FOLR2: variants seen among roughly 807,000 people sequenced by gnomAD.
FOLR2 encodes the protein folate receptor beta.
Under a neutral mutation model 20.4 loss-of-function variants are expected in FOLR2, and 14 were observed. The ratio of observed to expected loss-of-function variants is 0.68; its 90% CI spans 0.45 to 1.07. The LOEUF is 1.07. FOLR2 is among the 50% of genes least tolerant of loss of function. The pLI is 0.00. For missense variants in FOLR2, 269 were observed against 322.6 expected, an observed-to-expected ratio of 0.83 and a Z score of 1.27; for synonymous variants, 114 against 114.3, an observed-to-expected ratio of 1.00 and a Z score of 0.02.
Position 72,221,069 on chromosome 11 carries a change from T to TGTCC in FOLR2, c.339+11_339+12insGTCC. ...CCCTGGATCCAGCAGGTAGGGTGTC[T>TGTCC]CCCCCCCACCCACCCCAGCAGACTG... On this transcript the variant is annotated intron_variant, in intron 3 of 4. Transcript: ENST00000298223. 2.0e-5 allele frequency: 14 copies of TGTCC among 717,290 alleles called. No individual in the cohort carries two copies. The highest frequency in any genetic ancestry group is 2.9e-5 in the South Asian group (2 of 69,402). The allele number at this position is 717,290 out of a possible 1,614,324, so 44.4% of individuals were successfully genotyped here. A position where few individuals can be genotyped will look rare whatever the true frequency, so the allele number is the denominator to read the frequency against.
At position 72,221,033 on chromosome 11, in the gene FOLR2, C is replaced by G; in HGVS notation, c.314C>G (p.Pro105Arg). 7 of 1,613,646 alleles carry G rather than the reference C, an allele frequency of 4.3e-6. No homozygotes were observed. The highest frequency in any genetic ancestry group is 5.9e-6 in the Non-Finnish European group (7 of 1,179,854). The change falls in exon 3 of 5, where the codon CCC (proline) becomes CGC (arginine). Residue 105 changes from proline (P) to arginine (R), a missense_variant. Coordinates refer to ENST00000298223, the MANE Select transcript of FOLR2 (RefSeq NM_000803.5). ...IQDTCLYECS[P>R]NLGPWIQQVN... is the part of the protein sequence containing the mutation. ...GACACCTGTCTCTATGAGTGCTCAC[C>G]CAACCTGGGGCCCTGGATCCAGCAG... is the stretch of plus-strand genomic sequence containing the variant.
rs1159623668 is a variant in FOLR2, at chr11:72,221,452, C to A, written c.476-18C>A. The A allele has an allele frequency of 6.2e-7, 1 of 1,610,364 alleles. No homozygotes were observed. The highest frequency in any genetic ancestry group is 2.2e-5 in the East Asian group (1 of 44,844). The stretch of plus-strand genomic sequence containing the variant: ...CCCAGGGGCTGAAAGTCTGTGTCCA[C>A]CATGCCTCTCCCTGCAGGAGTTAAC... On this transcript the variant is annotated intron_variant, in intron 4 of 4. Transcript: ENST00000298223.
chr11:72,221,475 A>G lies in FOLR2; in HGVS notation c.481A>G (p.Asn161Asp). The G allele has an allele frequency of 6.2e-7, 1 of 1,613,638 alleles. No homozygotes were observed. Among genetic ancestry groups the G allele is most frequent in the Non-Finnish European group, 8.5e-7 (1 of 1,179,686 alleles). ...HRGWDWTSGV[N>D]KCPAGALCRT... ...CACCATGCCTCTCCCTGCAGGAGTTAACAAGTGCCCAGCTGGGGCTCTCTG... is the reference window on the plus strand; with the variant it reads ...CACCATGCCTCTCCCTGCAGGAGTTGACAAGTGCCCAGCTGGGGCTCTCTG... Residue 161 changes from asparagine to aspartate, a missense_variant, in exon 5 of 5, where the codon AAC (asparagine) becomes GAC (aspartate). Asn to Asp is a conservative substitution (Grantham distance 23). Coordinates refer to ENST00000298223, the MANE Select transcript of FOLR2 (RefSeq NM_000803.5).
At position 72,221,723 on chromosome 11, in the gene FOLR2, C is replaced by T; in HGVS notation, c.729C>T (p.Leu243=). Reference sequence around the variant, plus strand: ...TTCATGGGACTGGGGGTCTCCTGCTCAGTCTGGCCCTGATGCTGCAACTCT... The same window carrying T: ...TTCATGGGACTGGGGGTCTCCTGCTTAGTCTGGCCCTGATGCTGCAACTCT... ...EMLHGTGGLL[L]SLALMLQLWL... is the part of the protein sequence containing the mutation. Residue 243 remains leucine, a synonymous_variant, in exon 5 of 5, where the codon CTC becomes CTT. Coordinates refer to ENST00000298223, the MANE Select transcript of FOLR2 (RefSeq NM_000803.5). 3 of 1,613,984 alleles carry T rather than the reference C, an allele frequency of 1.9e-6. No individual in the cohort carries two copies. The highest frequency in any genetic ancestry group is 2.5e-6 in the Non-Finnish European group (3 of 1,179,872).
chr11:72,216,895 G>T lies in FOLR2; in HGVS notation c.-55G>T, dbSNP rs770772668. The T allele has an allele frequency of 1.3e-6, 2 of 1,599,550 alleles. No individual in the cohort carries two copies. Among genetic ancestry groups the T allele is most frequent in the African/African-American group, 1.3e-5 (1 of 75,056 alleles). ...GAGAGAGGCCAACTCAGACACAGCCGTGTATGCTCCCAGCAGCAACGGAGG... is the reference window on the plus strand; with the variant it reads ...GAGAGAGGCCAACTCAGACACAGCCTTGTATGCTCCCAGCAGCAACGGAGG... On this transcript the variant is annotated 5_prime_UTR_variant, in exon 1 of 5. Transcript: ENST00000298223.
At chr11:72,220,298 C>A (rs1167371061) in intron 2 of FOLR2, among the ~76,000 whole-genome samples, 1 of 152,226 alleles carries the variant, frequency 6.6e-6, no homozygotes, top group Non-Finnish European at 1.5e-5. Flanking sequence ...TCTTCCTTTG[C>A]TCAAAATGTC....
At chr11:72,218,443 T>G in intron 1 of FOLR2, 118 bp from the exon 2 acceptor site, 1 of 850,172 alleles carries the variant, frequency 1.2e-6, no homozygotes, top group Non-Finnish European at 1.8e-6. Context: ...GGCCCCAGCA[T>G]TGAAGGAACA....
intron 3 of FOLR2, 40 bp from the exon 4 acceptor site, chr11:72,221,136 C>G (rs1200643942): frequency 6.3e-7 from 1 of 1,596,864 alleles, no homozygotes; most frequent in Non-Finnish European, 8.5e-7. Context: ...TGCCAGCATC[C>G]CTGGCTGAGA....
chr11:72,218,622 T>A lies in FOLR2; in HGVS notation c.38T>A (p.Val13Asp), dbSNP rs774617351. 1.2e-5 allele frequency: 19 copies of A among 1,613,614 alleles called. No individual in the cohort carries two copies. The South Asian group carries it at 1.8e-4, about 15-fold the overall frequency. The change falls in exon 2 of 5, where the codon GTC becomes GAC. Residue 13 changes from valine (V) to aspartate (D), a missense_variant. Val to Asp is a radical substitution (Grantham distance 152). Transcript: ENST00000298223. ...TGGATGCCACTTCTGCTGCTTCTGG[T>A]CTGTGTAGCCACCATGTGCAGTGCC... ...WKWMPLLLLLVCVATMCSAQD... is the reference protein window; with the variant it reads ...WKWMPLLLLLDCVATMCSAQD...
In FOLR2 at chr11:72,217,169, T is replaced by C. The variant is rs191661098; in HGVS notation, c.-25+244T>C. 1.5e-3 allele frequency among the ~76,000 whole-genome samples: 230 copies of C among 152,172 alleles called. 2 individuals carry two copies. In the East Asian group the frequency reaches 0.035, roughly 23 times the overall value. ...CCTCCTGAGTAGCTGGGATTACAGG[T>C]GCCCACCACCTCGCCTGGCTAATTT... On this transcript the variant is annotated intron_variant, in intron 1 of 4. Transcript: ENST00000298223.
intron 2 of FOLR2, 102 bp from the exon 3 acceptor site, chr11:72,220,768 C>T: frequency 6.8e-7 from 1 of 1,466,856 alleles, no homozygotes; most frequent in Non-Finnish European, 9.3e-7. Context: ...TCAGGACAAC[C>T]TGCCTAGGGC....
At position 72,218,797 on chromosome 11, in the gene FOLR2, G is replaced by A. The variant is rs907936810; in HGVS notation, c.150+63G>A. 4.9e-6 allele frequency: 7 copies of A among 1,431,540 alleles called. No homozygotes were observed. The Admixed American group carries it at 5.8e-5, about 12-fold the overall frequency. The allele number at this position is 1,431,540 out of a possible 1,614,324, so 88.7% of individuals were successfully genotyped here. ...GTTCTAACAGGGAGGAGAAAGTCAG[G>A]ATGGTGGGAGAGGGATTGAGGGGTC... On this transcript the variant is annotated intron_variant, in intron 2 of 4. Transcript: ENST00000298223.
chr11:72,221,296 TG>T lies in FOLR2; in HGVS notation c.463del (p.Asp155ThrfsTer75). On this transcript the variant is annotated frameshift_variant, in exon 4 of 5. Coordinates refer to ENST00000298223, the MANE Select transcript of FOLR2 (RefSeq NM_000803.5). LOFTEE classifies it low-confidence loss of function (END_TRUNC). The stretch of plus-strand genomic sequence containing the variant: ...GTGCAAGAGCAACTGGCACAGAGGA[TG>T]GGACTGGACCTCAGGTGAGGGTGAT... ...HTCKSNWHRG[W>X]DWTSGVNKCP... 1 of 1,613,894 alleles carries T rather than the reference TG, an allele frequency of 6.2e-7. No individual in the cohort carries two copies. The highest frequency in any genetic ancestry group is 8.5e-7 in the Non-Finnish European group (1 of 1,179,898).
intron 1 of FOLR2, 39 bp downstream of exon 1, chr11:72,216,964 G>A (rs1167103609): frequency 1.3e-6 from 2 of 1,593,950 alleles, no homozygotes; most frequent in Non-Finnish European, 1.7e-6. Flanking sequence ...CAAGGGCAGT[G>A]GGGAGACTTG....
chr11:72,220,764 C>A, intron 2 of FOLR2, 106 bp from the exon 3 acceptor site: 2 of 1,435,140 alleles, frequency 1.4e-6, no homozygotes, highest in Non-Finnish European at 1.9e-6. Flanking sequence ...GTTCTCAGGA[C>A]AACCTGCCTA....
chr11:72,217,423 GGTCA>G (rs1948409620), intron 1 of FOLR2: 1 of 1,284,962 alleles, frequency 7.8e-7, no homozygotes, highest in African/African-American at 1.5e-5. Flanking sequence ...ATAGAGCCAT[GGTCA>G]GTAAGTTTTT....
chr11:72,221,070 C>CCCCCCCCCCCCCCCCCCCCCCCCA lies in FOLR2; in HGVS notation c.339+18_339+19insCCCCCCCCCCCCCCCCCACCCCCC. On this transcript the variant is annotated intron_variant, in intron 3 of 4. Coordinates refer to ENST00000298223, the MANE Select transcript of FOLR2 (RefSeq NM_000803.5). ...CCTGGATCCAGCAGGTAGGGTGTCT[C>CCCCCCCCCCCCCCCCCCCCCCCCA]CCCCCCACCCACCCCAGCAGACTGC... 2 of 427,112 alleles carry CCCCCCCCCCCCCCCCCCCCCCCCA rather than the reference C, an allele frequency of 4.7e-6. No individual in the cohort carries two copies. Among genetic ancestry groups the CCCCCCCCCCCCCCCCCCCCCCCCA allele is most frequent in the East Asian group, 9.1e-5 (1 of 10,998 alleles). The allele number at this position is 427,112 out of a possible 1,614,324, so 26.5% of individuals were successfully genotyped here.
Position 72,221,068 on chromosome 11 carries a change from C to CGGA in FOLR2, c.339+10_339+11insGGA, listed in dbSNP as rs1948479651. On this transcript the variant is annotated intron_variant, in intron 3 of 4. Coordinates refer to ENST00000298223, the MANE Select transcript of FOLR2 (RefSeq NM_000803.5). ...GCCCTGGATCCAGCAGGTAGGGTGT[C>CGGA]TCCCCCCCACCCACCCCAGCAGACT... 3 of 1,528,446 alleles carry CGGA rather than the reference C, an allele frequency of 2.0e-6. No individual in the cohort carries two copies. The highest frequency in any genetic ancestry group is 2.7e-6 in the Non-Finnish European group (3 of 1,123,952). 94.7% of individuals were successfully genotyped at this position (1,528,446 alleles called of 1,614,324 possible). A position where few individuals can be genotyped will look rare whatever the true frequency, so the allele number is the denominator to read the frequency against.
In FOLR2 at chr11:72,218,557, C is replaced by T. The variant is rs764889104; in HGVS notation, c.-24-4C>T. 7.5e-6 allele frequency: 12 copies of T among 1,607,766 alleles called. No homozygotes were observed. Among genetic ancestry groups the T allele is most frequent in the Non-Finnish European group, 1.0e-5 (12 of 1,177,064 alleles). On this transcript the variant is annotated splice_polypyrimidine_tract_variant and splice_region_variant and intron_variant, in intron 1 of 4. Coordinates refer to ENST00000298223, the MANE Select transcript of FOLR2 (RefSeq NM_000803.5). ...CCCCTCAGGACTTGGTTTCCCTACCCTAGCTCCGCCTGCAGGGACAGAAAG... is the reference window on the plus strand; with the variant it reads ...CCCCTCAGGACTTGGTTTCCCTACCTTAGCTCCGCCTGCAGGGACAGAAAG...
Sources: allele counts gnomAD v4.1 joint callset (sites outside exome capture counted in the v4.1 genomes callset), GRCh38; gene constraint gnomAD v4.1.1; transcripts MANE v1.5; gene names NCBI Gene and HGNC (gene_info 2026-07-23, HGNC 2026-07-21).